Variants in MPPED2 observed in about 807,000 individuals in gnomAD.
MPPED2 encodes the protein metallophosphoesterase MPPED2.
Under a neutral mutation model 33.0 loss-of-function variants are expected in MPPED2, and 5 were observed. The ratio of observed to expected loss-of-function variants is 0.15; its 90% CI spans 0.08 to 0.32. The LOEUF (loss-of-function observed/expected upper bound fraction) is 0.32, where lower values mean the gene tolerates loss of function less well. Among genes scored for constraint, MPPED2 ranks in the 10% least tolerant of loss-of-function variants. MPPED2 has a pLI of 1.00. For synonymous variants in MPPED2, 136 were observed against 141.9 expected (o/e 0.96, Z 0.29); for missense variants, 275 against 372.1 (o/e 0.74, Z 2.15).
chr11:30,402,229 C>T lies in MPPED2; in HGVS notation c.766+11999G>A, dbSNP rs141347001. Among the ~76,000 whole-genome samples the T allele has an allele frequency of 5.3e-5, 8 of 152,254 alleles. No individual in the cohort carries two copies. In the East Asian group the frequency reaches 7.7e-4, roughly 15 times the overall value. On this transcript the variant is annotated intron_variant, in intron 6 of 6. Transcript: ENST00000448418. ...GCCAAGCTATTCACTGCAAATACTACGAACAACTGCAGCGCTACTGGCCTG... is the reference window on the plus strand; with the variant it reads ...GCCAAGCTATTCACTGCAAATACTATGAACAACTGCAGCGCTACTGGCCTG...
chr11:30,425,471 G>C (rs1948793006), intron 4 of MPPED2: 1 of 152,068 alleles, frequency 6.6e-6, no homozygotes, highest in African/African-American at 2.4e-5. Flanking sequence ...CTTTAATCTT[G>C]TAAACAAGTT....
chr11:30,543,792 CTTTTTTT>C (rs35206591), intron 2 of MPPED2, among the ~76,000 whole-genome samples: 4 of 106,628 alleles, frequency 3.8e-5, no homozygotes, highest in Non-Finnish European at 5.8e-5. Context: ...TGGCGTTGTT[CTTTTTTT>C]TTTTTTTTTT....
intron 4 of MPPED2, among the ~76,000 whole-genome samples, chr11:30,449,371 G>T (rs1305191026): frequency 6.6e-6 from 1 of 152,056 alleles, no homozygotes; most frequent in Non-Finnish European, 1.5e-5. Context: ...GATAGGACAG[G>T]TGCAGTGGCT....
At chr11:30,546,226 C>T (rs1384696759) in intron 2 of MPPED2, among the ~76,000 whole-genome samples, 1 of 152,188 alleles carries the variant, frequency 6.6e-6, no homozygotes, top group Non-Finnish European at 1.5e-5. Flanking sequence ...TTAAATCAAT[C>T]ATTACAACAT....
intron 4 of MPPED2, among the ~76,000 whole-genome samples, chr11:30,447,653 G>T (rs1464238904): frequency 1.3e-5 from 2 of 152,124 alleles, no homozygotes; most frequent in African/African-American, 4.8e-5. Context: ...AGGTGCAAAC[G>T]GGCATACGAA....
chr11:30,472,836 A>C (rs1316960505), intron 4 of MPPED2, among the ~76,000 whole-genome samples: 1 of 152,226 alleles, frequency 6.6e-6, no homozygotes, highest in African/African-American at 2.4e-5. Context: ...TGACAATTGC[A>C]CAACAATGTA....
chr11:30,522,730 A>T (rs1219524450), intron 3 of MPPED2, among the ~76,000 whole-genome samples: 2 of 152,146 alleles, frequency 1.3e-5, no homozygotes, highest in Admixed American at 6.5e-5. Context: ...GGACAGTGCT[A>T]TAATTATGTC....
chr11:30,484,703 G>T (rs971197703), intron 4 of MPPED2, among the ~76,000 whole-genome samples: 4 of 152,126 alleles, frequency 2.6e-5, no homozygotes, highest in Admixed American at 6.6e-5. Context: ...TTTAACAGAC[G>T]TCTATCCACT....
chr11:30,522,352 G>A (rs1953917036), intron 3 of MPPED2, among the ~76,000 whole-genome samples: 2 of 150,968 alleles, frequency 1.3e-5, no homozygotes. Flanking sequence ...GGGGCATGAT[G>A]TCTATGACTT....
chr11:30,563,039 T>C (rs1282063964), intron 2 of MPPED2, among the ~76,000 whole-genome samples: 1 of 152,082 alleles, frequency 6.6e-6, no homozygotes, highest in Non-Finnish European at 1.5e-5. Flanking sequence ...GTACTATGCA[T>C]TGGGGATAAA....
chr11:30,547,055 C>T (rs1955461026), intron 2 of MPPED2, among the ~76,000 whole-genome samples: 1 of 152,172 alleles, frequency 6.6e-6, no homozygotes, highest in Admixed American at 6.6e-5. Context: ...ATCATACTTT[C>T]CTCATGATTT....
intron 6 of MPPED2, among the ~76,000 whole-genome samples, chr11:30,412,568 G>A (rs1565041800): frequency 6.6e-6 from 1 of 152,144 alleles, no homozygotes; most frequent in Non-Finnish European, 1.5e-5. Flanking sequence ...AGTAAAGCCT[G>A]TGGAGAACTT....
chr11:30,468,448 A>G (rs965886237), intron 4 of MPPED2, among the ~76,000 whole-genome samples: 18 of 152,116 alleles, frequency 1.2e-4, no homozygotes, highest in Non-Finnish European at 2.4e-4. Context: ...CTTCCCATCA[A>G]TCTCAGTTTA....
intron 3 of MPPED2, among the ~76,000 whole-genome samples, chr11:30,516,430 C>T (rs1341879567): frequency 6.6e-6 from 1 of 151,964 alleles, no homozygotes; most frequent in Non-Finnish European, 1.5e-5. Flanking sequence ...GTAGCATTTC[C>T]CTAACATGAA....
chr11:30,479,130 A>T (rs1951360366), intron 4 of MPPED2, among the ~76,000 whole-genome samples: 1 of 152,074 alleles, frequency 6.6e-6, no homozygotes, highest in African/African-American at 2.4e-5. Context: ...ATGGAACACC[A>T]GGGAATATGC....
intron 2 of MPPED2, among the ~76,000 whole-genome samples, chr11:30,568,766 GGGGGTACCTGTCACTAAT>G (rs1286325996): frequency 6.6e-6 from 1 of 152,120 alleles, no homozygotes; most frequent in African/African-American, 2.4e-5. Context: ...CCCTCCAATG[GGGGGTACCTGTCACTAAT>G]GGTCTGTCTT....
At chr11:30,455,423 CCTCT>C (rs1208017047) in intron 4 of MPPED2, among the ~76,000 whole-genome samples, 1 of 152,202 alleles carries the variant, frequency 6.6e-6, no homozygotes, top group African/African-American at 2.4e-5. Context: ...CTTGATCTCT[CCTCT>C]CTTTCTCTTT....
chr11:30,400,521 T>G (rs2065418), intron 6 of MPPED2, among the ~76,000 whole-genome samples: 44,941 of 152,172 alleles, frequency 0.3, 7,209 homozygotes, highest in Middle Eastern at 0.37. Context: ...AATATTACTT[T>G]GCAGATGTCA....
At chr11:30,423,288 C>T (rs913248321) in intron 4 of MPPED2, among the ~76,000 whole-genome samples, 10 of 152,118 alleles carry the variant, frequency 6.6e-5, no homozygotes, top group Admixed American at 2.0e-4. Context: ...GGGTCACAGC[C>T]CTGGTGTTAC....
Sources: gnomAD v4.1 joint callset for allele counts (sites outside exome capture counted in the v4.1 genomes callset) on GRCh38, gnomAD v4.1.1 for gene constraint, MANE v1.5 for transcripts, NCBI Gene and HGNC (gene_info 2026-07-23, HGNC 2026-07-21) for gene names.